The following UNC13C variants were observed in gnomAD, a reference collection of about 807,000 sequenced individuals.
UNC13C encodes the protein unc-13 homolog C.
Under a neutral mutation model 245.4 loss-of-function variants are expected in UNC13C, and 174 were observed. The ratio of observed to expected loss-of-function variants is 0.71; its 90% CI spans 0.63 to 0.80. The LOEUF is 0.80. Ranked by LOEUF, UNC13C falls within the 30% of genes least tolerant of loss-of-function variation. The probability of loss-of-function intolerance (pLI) is 0.00; values close to 1 mark genes in which losing one functional copy is unlikely to be tolerated. For synonymous variants in UNC13C, 992 were observed against 895.1 expected, an observed-to-expected ratio of 1.11 and a Z score of -1.93; for missense variants, 2,829 against 2,602.9, an observed-to-expected ratio of 1.09 and a Z score of -1.89.
At chr15:54,621,187 G>A (rs1900775920) in intron 30 of UNC13C, among the ~76,000 whole-genome samples, 2 of 152,056 alleles carry the variant, frequency 1.3e-5, no homozygotes, top group African/African-American at 4.8e-5. Context: ...AGAATCTTTT[G>A]TTCCGGGCTT....
intron 2 of UNC13C, among the ~76,000 whole-genome samples, chr15:54,044,080 T>A (rs1595759596): frequency 6.6e-6 from 1 of 152,194 alleles, no homozygotes; most frequent in Non-Finnish European, 1.5e-5. Context: ...CACTCTCTTT[T>A]TCCCCTGCCC....
chr15:54,175,120 G>T (rs1419620665), intron 4 of UNC13C, among the ~76,000 whole-genome samples: 1 of 151,836 alleles, frequency 6.6e-6, no homozygotes, highest in Non-Finnish European at 1.5e-5. Flanking sequence ...CTCCAACAGG[G>T]GCATATTTCC....
chr15:54,463,835 G>A (rs1481404389), intron 19 of UNC13C, among the ~76,000 whole-genome samples: 2 of 152,230 alleles, frequency 1.3e-5, no homozygotes, highest in Non-Finnish European at 1.5e-5. Context: ...GAGAGTTGAA[G>A]GGAATGCCAT....
intron 30 of UNC13C, among the ~76,000 whole-genome samples, chr15:54,592,684 T>C (rs1898859310): frequency 1.3e-5 from 2 of 152,104 alleles, no homozygotes; most frequent in Non-Finnish European, 2.9e-5. Flanking sequence ...ATGTGAGCCC[T>C]TATGTGTTAG....
chr15:54,379,838 G>A (rs2039682819), intron 17 of UNC13C, among the ~76,000 whole-genome samples: 1 of 151,918 alleles, frequency 6.6e-6, no homozygotes, highest in African/African-American at 2.4e-5. Flanking sequence ...TTTTGGTATG[G>A]GTTTTAAAAT....
chr15:54,194,873 A>ATGTTT (rs1433801543), intron 4 of UNC13C, among the ~76,000 whole-genome samples: 1 of 152,166 alleles, frequency 6.6e-6, no homozygotes, highest in Non-Finnish European at 1.5e-5. Context: ...AACACTAAAC[A>ATGTTT]TGTTTTTGTG....
intron 18 of UNC13C, among the ~76,000 whole-genome samples, chr15:54,403,357 G>A (rs1324214160): frequency 6.6e-6 from 1 of 151,962 alleles, no homozygotes; most frequent in East Asian, 1.9e-4. Context: ...AGTGAGCTAT[G>A]ATCAGACCAC....
At chr15:53,854,504 T>G in the UNC13C span, among the ~76,000 whole-genome samples, 1 of 152,222 alleles carries the variant, frequency 6.6e-6, no homozygotes, top group Non-Finnish European at 1.5e-5. Context: ...GTTTTAATTT[T>G]CTGCATATGG....
At chr15:53,859,659 T>C in the UNC13C span, among the ~76,000 whole-genome samples, 4 of 152,148 alleles carry the variant, frequency 2.6e-5, no homozygotes, top group African/African-American at 7.2e-5. Flanking sequence ...TATTTAGTTT[T>C]CATTTTTAAT....
chr15:54,255,456 C>A (rs1272365085), intron 8 of UNC13C, among the ~76,000 whole-genome samples: 1 of 152,216 alleles, frequency 6.6e-6, no homozygotes, highest in South Asian at 2.1e-4. Context: ...GCCGACGTGA[C>A]GATTTCTGTC....
chr15:54,568,250 G>T (rs773833162), intron 30 of UNC13C, among the ~76,000 whole-genome samples: 4 of 151,950 alleles, frequency 2.6e-5, no homozygotes, highest in Admixed American at 6.6e-5. Flanking sequence ...TAATATTTAT[G>T]ACCAAGATAT....
At chr15:54,405,496 A>AT (rs1337671922) in intron 18 of UNC13C, among the ~76,000 whole-genome samples, 2 of 152,180 alleles carry the variant, frequency 1.3e-5, no homozygotes, top group Non-Finnish European at 1.5e-5. Flanking sequence ...TTAAATAATG[A>AT]TTTGATACTG....
At chr15:53,851,538 CT>C in the UNC13C span, among the ~76,000 whole-genome samples, 1 of 152,178 alleles carries the variant, frequency 6.6e-6, no homozygotes, top group African/African-American at 2.4e-5. Context: ...CTCTTTCTCT[CT>C]CTGTGTCTCA....
chr15:53,959,157 T>C, the UNC13C span, among the ~76,000 whole-genome samples: 1 of 152,186 alleles, frequency 6.6e-6, no homozygotes, highest in Non-Finnish European at 1.5e-5. Context: ...TAATTTACTG[T>C]GTATATATCA....
intron 4 of UNC13C, among the ~76,000 whole-genome samples, chr15:54,186,407 T>C (rs4776213): frequency 0.14 from 21,754 of 152,144 alleles, 1,972 homozygotes; most frequent in Middle Eastern, 0.24. Flanking sequence ...AGAAAATAAA[T>C]TCTGGTATAT....
intron 4 of UNC13C, among the ~76,000 whole-genome samples, chr15:54,194,894 A>C (rs533424260): frequency 3.9e-5 from 6 of 152,304 alleles, no homozygotes; most frequent in African/African-American, 1.4e-4. Context: ...AGAAAAAAAT[A>C]AGACAAAAAT....
intron 30 of UNC13C, among the ~76,000 whole-genome samples, chr15:54,596,122 G>C (rs988356971): frequency 6.6e-6 from 1 of 152,184 alleles, no homozygotes; most frequent in Non-Finnish European, 1.5e-5. Flanking sequence ...GAATTGGACA[G>C]GGTTTGAGCT....
intron 8 of UNC13C, among the ~76,000 whole-genome samples, chr15:54,252,112 G>A (rs1171436533): frequency 6.6e-6 from 1 of 152,064 alleles, no homozygotes; most frequent in Non-Finnish European, 1.5e-5. Flanking sequence ...TTGCGTATAG[G>A]CATCTTAAGA....
chr15:54,446,707 T>G (rs1456492244), intron 19 of UNC13C, among the ~76,000 whole-genome samples: 1 of 152,178 alleles, frequency 6.6e-6, no homozygotes, highest in Non-Finnish European at 1.5e-5. Flanking sequence ...TAATGGGGTT[T>G]TCTAGATATA....
Sources: allele counts gnomAD v4.1 joint callset (sites outside exome capture counted in the v4.1 genomes callset), GRCh38; gene constraint gnomAD v4.1.1; transcripts MANE v1.5; gene names NCBI Gene and HGNC (gene_info 2026-07-23, HGNC 2026-07-21).